COL5A2: variants seen among roughly 807,000 people sequenced by gnomAD.
COL5A2 encodes collagen alpha-2(V) chain.
Under a neutral mutation model 208.2 loss-of-function variants are expected in COL5A2, and 23 were observed. That is an observed-to-expected ratio of 0.11 (90% CI 0.08 to 0.16). COL5A2 has a LOEUF of 0.16. Among genes scored for constraint, COL5A2 ranks in the 10% least tolerant of loss-of-function variants. The probability of loss-of-function intolerance (pLI) is 1.00; values close to 1 mark genes in which losing one functional copy is unlikely to be tolerated. For missense variants in COL5A2, 1,590 were observed against 1,956.4 expected (o/e 0.81, Z 3.53); for synonymous variants, 625 against 628.5 (o/e 0.99, Z 0.08).
At chr2:189,364,952 G>T in the COL5A2 span, among the ~76,000 whole-genome samples, 3 of 152,098 alleles carry the variant, frequency 2.0e-5, no homozygotes, top group Non-Finnish European at 4.4e-5. Context: ...TAATAATAGG[G>T]CAATCTGGGT....
At chr2:189,210,030 G>T (rs1689192120) in intron 1 of COL5A2, among the ~76,000 whole-genome samples, 1 of 152,144 alleles carries the variant, frequency 6.6e-6, no homozygotes, top group Admixed American at 6.5e-5. Context: ...GAGTTTTCAG[G>T]CCGTTAAATA....
At chr2:189,437,991 AT>A in the COL5A2 span, among the ~76,000 whole-genome samples, 1 of 151,846 alleles carries the variant, frequency 6.6e-6, no homozygotes, top group African/African-American at 2.4e-5. Flanking sequence ...ATTTTATTAA[AT>A]AAAAAATAAA....
chr2:189,162,536 A>G (rs1688387532), intron 1 of COL5A2, among the ~76,000 whole-genome samples: 1 of 152,212 alleles, frequency 6.6e-6, no homozygotes, highest in Non-Finnish European at 1.5e-5. Context: ...GTAGTAAATT[A>G]TTAGCAAGTG....
the COL5A2 span, among the ~76,000 whole-genome samples, chr2:189,289,931 A>C: frequency 1.3e-5 from 2 of 152,188 alleles, no homozygotes; most frequent in African/African-American, 4.8e-5. Flanking sequence ...GATTCAACGC[A>C]ATCCCTATCA....
At chr2:189,403,802 T>G in the COL5A2 span, among the ~76,000 whole-genome samples, 4 of 152,228 alleles carry the variant, frequency 2.6e-5, no homozygotes, top group Non-Finnish European at 5.9e-5. Flanking sequence ...TCTGATGTGC[T>G]GCTGAATTTG....
At position 189,049,301 on chromosome 2, in the gene COL5A2, T is replaced by C. The variant is rs13383588; in HGVS notation, c.3147+46A>G. 1,251 of 1,331,596 alleles carry C rather than the reference T, an allele frequency of 9.4e-4. 7 individuals carry two copies. The African/African-American group carries it at 0.015, about 16-fold the overall frequency. 82.5% of individuals were successfully genotyped at this position (1,331,596 alleles called of 1,614,324 possible). A position where few individuals can be genotyped will look rare whatever the true frequency, so the allele number is the denominator to read the frequency against. Reference sequence around the variant, plus strand: ...TGCTAAATGAAAAAAATTGTTTCCATGACACCAGATAACAAGAGAAGAGTT... The same window carrying C: ...TGCTAAATGAAAAAAATTGTTTCCACGACACCAGATAACAAGAGAAGAGTT... On this transcript the variant is annotated intron_variant, in intron 44 of 53. Coordinates refer to ENST00000374866, the MANE Select transcript of COL5A2 (RefSeq NM_000393.5).
At chr2:189,138,244 G>A (rs547558702) in intron 1 of COL5A2, among the ~76,000 whole-genome samples, 5 of 152,192 alleles carry the variant, frequency 3.3e-5, no homozygotes, top group East Asian at 3.9e-4. Flanking sequence ...AAAGTGCTGG[G>A]ATTACAGGTG....
At chr2:189,219,790 G>A (rs773621483) in intron 1 of COL5A2, among the ~76,000 whole-genome samples, 2 of 152,096 alleles carry the variant, frequency 1.3e-5, no homozygotes, top group Non-Finnish European at 2.9e-5. Context: ...TACCGTGTAA[G>A]CCTGACATAA....
the COL5A2 span, among the ~76,000 whole-genome samples, chr2:189,275,986 C>T: frequency 6.6e-6 from 1 of 152,124 alleles, no homozygotes; most frequent in Admixed American, 6.6e-5. Context: ...TTGTTTATAA[C>T]AACCCAACAT....
chr2:189,050,612 C>A lies in COL5A2; in HGVS notation c.2996G>T (p.Gly999Val). 1 of 1,552,396 alleles carries A rather than the reference C, an allele frequency of 6.4e-7. No individual in the cohort carries two copies. Among genetic ancestry groups the A allele is most frequent in the Non-Finnish European group, 8.7e-7 (1 of 1,147,366 alleles). ...TGQRGIVGMP[G>V]QRGERGMPGL... ...GGGCATGCCTCTCTCTCCACGTTGCCCAGGCATGCCAACAATTCCTCTCTG... is the reference window on the plus strand; with the variant it reads ...GGGCATGCCTCTCTCTCCACGTTGCACAGGCATGCCAACAATTCCTCTCTG... The change falls in exon 43 of 54, where the codon GGG becomes GTG. Residue 999 changes from glycine to valine, a missense_variant. Gly to Val is a moderately radical substitution (Grantham distance 109, BLOSUM62 -3). Coordinates refer to ENST00000374866, the MANE Select transcript of COL5A2 (RefSeq NM_000393.5).
the COL5A2 span, among the ~76,000 whole-genome samples, chr2:189,273,016 C>G: frequency 6.6e-6 from 1 of 152,100 alleles, no homozygotes; most frequent in East Asian, 1.9e-4. Context: ...AATAGCTCTT[C>G]TTTATAGTAT....
chr2:189,377,899 A>T, the COL5A2 span, among the ~76,000 whole-genome samples: 1 of 152,210 alleles, frequency 6.6e-6, no homozygotes, highest in African/African-American at 2.4e-5. Flanking sequence ...TGAATAAATG[A>T]ACTGGAATGT....
the COL5A2 span, among the ~76,000 whole-genome samples, chr2:189,252,173 A>C: frequency 1.3e-5 from 2 of 152,138 alleles, no homozygotes; most frequent in African/African-American, 2.4e-5. Flanking sequence ...GGGACTGTAA[A>C]CTAGTTCAAC....
the COL5A2 span, among the ~76,000 whole-genome samples, chr2:189,408,043 C>T: frequency 1.3e-5 from 2 of 152,130 alleles, no homozygotes; most frequent in East Asian, 1.9e-4. Context: ...ATTGAGTTGA[C>T]TGGCTCTGCT....
rs751499848 is a variant in COL5A2, at chr2:189,051,451, C to G, written c.2800G>C (p.Glu934Gln). 4 of 1,611,118 alleles carry G rather than the reference C, an allele frequency of 2.5e-6. No individual in the cohort carries two copies. Among genetic ancestry groups the G allele is most frequent in the Non-Finnish European group, 3.4e-6 (4 of 1,178,644 alleles). ...CCTGGAGGTCCCTCCTTCCCGGGTTCCCCTAGGGGTCCCGCAGGTCCTGGA... is the reference window on the plus strand; with the variant it reads ...CCTGGAGGTCCCTCCTTCCCGGGTTGCCCTAGGGGTCCCGCAGGTCCTGGA... ...GAPGPAGPLG[E>Q]PGKEGPPGLR... Residue 934 changes from glutamate to glutamine, a missense_variant, in exon 42 of 54, where the codon GAA becomes CAA. Transcript: ENST00000374866.
chr2:189,391,742 A>T, the COL5A2 span, among the ~76,000 whole-genome samples: 32 of 152,278 alleles, frequency 2.1e-4, no homozygotes, highest in South Asian at 2.7e-3. Context: ...TATTTCTGAA[A>T]TGTAAAAAGA....
intron 35 of COL5A2, 71 bp downstream of exon 35, chr2:189,056,902 G>T: frequency 1.4e-6 from 2 of 1,439,376 alleles, no homozygotes; most frequent in South Asian, 1.1e-5. Context: ...ATTTTGGAAG[G>T]TTCAGGGAAA....
the COL5A2 span, among the ~76,000 whole-genome samples, chr2:189,325,339 T>A: frequency 6.7e-6 from 1 of 148,686 alleles, no homozygotes; most frequent in African/African-American, 2.4e-5. Flanking sequence ...TATATATAAA[T>A]AAAAAAATAA....
intron 1 of COL5A2, among the ~76,000 whole-genome samples, chr2:189,160,987 T>C (rs1688352630): frequency 6.6e-6 from 1 of 151,702 alleles, no homozygotes; most frequent in South Asian, 2.1e-4. Flanking sequence ...TGTGCCACCA[T>C]ACTCGGCTAA....
Sources: gnomAD v4.1 joint callset for allele counts (sites outside exome capture counted in the v4.1 genomes callset) on GRCh38, gnomAD v4.1.1 for gene constraint, MANE v1.5 for transcripts, NCBI Gene and HGNC (gene_info 2026-07-23, HGNC 2026-07-21) for gene names.